Variants in ENTPD7 observed in about 807,000 individuals in gnomAD.
ENTPD7 encodes the protein NTPDase 7.
ENTPD7 carries 53 observed loss-of-function variants against 77.9 expected under a neutral mutation model. The ratio of observed to expected loss-of-function variants is 0.68; its 90% CI spans 0.55 to 0.85. ENTPD7 has a LOEUF of 0.85. ENTPD7 is among the 40% of genes least tolerant of loss of function. The probability of loss-of-function intolerance (pLI) is 0.00; values close to 1 mark genes in which losing one functional copy is unlikely to be tolerated. For missense variants in ENTPD7, 636 were observed against 743.7 expected (o/e 0.86, Z 1.68); for synonymous variants, 248 against 274.9 (o/e 0.90, Z 0.97).
In ENTPD7 at chr10:99,661,761, G is replaced by T. The variant is rs753746380; in HGVS notation, c.191+133G>T. On this transcript the variant is annotated intron_variant, in intron 3 of 12. Transcript: ENST00000370489. ...AATTGCATGCCATTTATTACATAAA[G>T]AAGATTTTAAGCCCTATTTTGGCAA... 3.3e-4 allele frequency: 275 copies of T among 835,794 alleles called. 1 individual carries two copies. Among genetic ancestry groups the T allele is most frequent in the Non-Finnish European group, 4.5e-4 (255 of 572,046 alleles). The allele number at this position is 835,794 out of a possible 1,614,324, so 51.8% of individuals were successfully genotyped here.
At chr10:99,699,546 G>A (rs937557259) in intron 10 of ENTPD7, among the ~76,000 whole-genome samples, 2 of 152,088 alleles carry the variant, frequency 1.3e-5, no homozygotes, top group African/African-American at 4.8e-5. Flanking sequence ...TCAGAGAAAC[G>A]AATGGGAGAA....
chr10:99,682,662 G>A (rs1000034836), intron 5 of ENTPD7, among the ~76,000 whole-genome samples: 1 of 152,118 alleles, frequency 6.6e-6, no homozygotes, highest in East Asian at 1.9e-4. Context: ...TCACATATAT[G>A]TAATTTCCAC....
At position 99,661,531 on chromosome 10, in the gene ENTPD7, C is replaced by A. The variant is rs147747082; in HGVS notation, c.94C>A (p.Leu32Met). 1.4e-4 allele frequency: 229 copies of A among 1,613,814 alleles called. No homozygotes were observed. In the African/African-American group the frequency reaches 2.9e-3, roughly 20 times the overall value. Residue 32 changes from leucine to methionine, a missense_variant, in exon 3 of 13, where the codon CTG becomes ATG. Coordinates refer to ENST00000370489, the MANE Select transcript of ENTPD7 (RefSeq NM_020354.5). ...ATTTCTCCGTCAGCGGGTGGCATTC[C>A]TGGGACTCTTCTTCATATCCTGTCT... ...SPFLRQRVAF[L>M]GLFFISCLLL...
At position 99,710,508 on chromosome 10, in the gene ENTPD7, CTG is replaced by C. The variant is rs1564641429; in HGVS notation, c.*5827_*5828del. 2 of 985,248 alleles carry C rather than the reference CTG, an allele frequency of 2.0e-6. No individual in the cohort carries two copies. The highest frequency in any genetic ancestry group is 3.5e-5 in the African/African-American group (2 of 57,220). The allele number at this position is 985,248 out of a possible 1,614,324, so 61.0% of individuals were successfully genotyped here. A position where few individuals can be genotyped will look rare whatever the true frequency, so the allele number is the denominator to read the frequency against. ...ATTGCTTTGGGGAGTTGTTAAGACTCTGTTTTTTCTACTGCTTCACATTAAAC... is the reference window on the plus strand; with the variant it reads ...ATTGCTTTGGGGAGTTGTTAAGACTCTTTTTTCTACTGCTTCACATTAAAC... On this transcript the variant is annotated 3_prime_UTR_variant, in exon 13 of 13. Coordinates refer to ENST00000370489, the MANE Select transcript of ENTPD7 (RefSeq NM_020354.5).
chr10:99,679,538 C>A, intron 4 of ENTPD7, 72 bp downstream of exon 4: 1 of 1,493,616 alleles, frequency 6.7e-7, no homozygotes, highest in Non-Finnish European at 9.0e-7. Flanking sequence ...AAGCAGAAAG[C>A]AAGCTACCCC....
At chr10:99,699,231 T>A (rs1029970178) in intron 10 of ENTPD7, among the ~76,000 whole-genome samples, 1 of 152,228 alleles carries the variant, frequency 6.6e-6, no homozygotes, top group Non-Finnish European at 1.5e-5. Context: ...TCTGTTGTAA[T>A]GTGCTTTTGG....
intron 5 of ENTPD7, among the ~76,000 whole-genome samples, chr10:99,684,991 C>T (rs2035794504): frequency 1.3e-5 from 2 of 152,180 alleles, no homozygotes; most frequent in Non-Finnish European, 2.9e-5. Context: ...GGCAAGGTGA[C>T]TCACACCTGT....
In ENTPD7 at chr10:99,710,051, CAT is replaced by C. The variant is rs2036333992; in HGVS notation, c.*5369_*5370del. On this transcript the variant is annotated 3_prime_UTR_variant, in exon 13 of 13. Coordinates refer to ENST00000370489, the MANE Select transcript of ENTPD7 (RefSeq NM_020354.5). ...CACAGGCTATGTATAGCCACACATG[CAT>C]GACTTCAGGCTAGCATAAAGACATG... 4 of 985,460 alleles carry C rather than the reference CAT, an allele frequency of 4.1e-6. No homozygotes were observed. The South Asian group carries it at 1.9e-4, about 46-fold the overall frequency. The allele number at this position is 985,460 out of a possible 1,614,324, so 61.0% of individuals were successfully genotyped here.
chr10:99,662,348 G>A (rs1236252758), intron 3 of ENTPD7, among the ~76,000 whole-genome samples: 1 of 151,392 alleles, frequency 6.6e-6, no homozygotes, highest in Non-Finnish European at 1.5e-5. Flanking sequence ...TTTTTTTAGT[G>A]GTTACTTTAA....
chr10:99,688,675 T>A lies in ENTPD7; in HGVS notation c.653-19T>A, dbSNP rs1445938323. On this transcript the variant is annotated intron_variant, in intron 6 of 12. Transcript: ENST00000370489. ...TAGCAGTAGAGAATTAAGTGAGGGCTTTTCTGTTTCTTACTTAGGGGTTTA... is the reference window on the plus strand; with the variant it reads ...TAGCAGTAGAGAATTAAGTGAGGGCATTTCTGTTTCTTACTTAGGGGTTTA... 3 of 1,613,602 alleles carry A rather than the reference T, an allele frequency of 1.9e-6. No individual in the cohort carries two copies. The African/African-American group carries it at 4.0e-5, about 22-fold the overall frequency.
chr10:99,676,977 TTTTA>T (rs1400169819), intron 3 of ENTPD7, among the ~76,000 whole-genome samples: 2 of 152,246 alleles, frequency 1.3e-5, no homozygotes, highest in African/African-American at 4.8e-5. Context: ...TACTCTACTT[TTTTA>T]TTTCAGAATT....
At chr10:99,693,894 G>T (rs1358365055) in intron 8 of ENTPD7, among the ~76,000 whole-genome samples, 2 of 151,534 alleles carry the variant, frequency 1.3e-5, no homozygotes, top group Admixed American at 6.6e-5. Flanking sequence ...TTCCAGCCTG[G>T]GTGACAGAGT....
At chr10:99,699,394 C>T (rs1202338859) in intron 10 of ENTPD7, among the ~76,000 whole-genome samples, 1 of 152,210 alleles carries the variant, frequency 6.6e-6, no homozygotes, top group African/African-American at 2.4e-5. Context: ...TAAAAATTCA[C>T]TCTGAGCATA....
chr10:99,678,194 C>T (rs1317274627), intron 3 of ENTPD7, among the ~76,000 whole-genome samples: 5 of 151,948 alleles, frequency 3.3e-5, no homozygotes, highest in African/African-American at 9.7e-5. Flanking sequence ...TTAGGCCAGG[C>T]GCGGTGGCTC....
intron 3 of ENTPD7, among the ~76,000 whole-genome samples, chr10:99,668,037 C>T (rs1000998278): frequency 1.4e-5 from 2 of 141,182 alleles, no homozygotes; most frequent in African/African-American, 2.6e-5. Context: ...CAGGTTCAAG[C>T]GATTCTCATG....
chr10:99,672,069 A>G (rs1173769452), intron 3 of ENTPD7, among the ~76,000 whole-genome samples: 1 of 152,148 alleles, frequency 6.6e-6, no homozygotes, highest in Non-Finnish European at 1.5e-5. Context: ...TTTATTATTT[A>G]TAGAGTGACT....
chr10:99,695,963 C>G lies in ENTPD7; in HGVS notation c.851C>G (p.Ala284Gly), dbSNP rs760237478. Residue 284 changes from alanine to glycine, a missense_variant, in exon 9 of 13, where the codon GCT (alanine) becomes GGT (glycine). This residue lies in a region of ENTPD7 where 486 missense variants were observed against 556.5 expected (regional missense o/e 0.87). Transcript: ENST00000370489. ...CTTGGTATTGTATTATAGGAAGAAG[C>G]TGCCAAGATCCTGCTGGCTGAGTTC... is the stretch of plus-strand genomic sequence containing the variant. ...TSVLPAKQEE[A>G]AKILLAEFNL... 2 of 1,612,462 alleles carry G rather than the reference C, an allele frequency of 1.2e-6. No homozygotes were observed. The highest frequency in any genetic ancestry group is 1.7e-5 in the Admixed American group (1 of 59,558).
At chr10:99,672,307 CTTT>C (rs35775014) in intron 3 of ENTPD7, among the ~76,000 whole-genome samples, 1 of 138,684 alleles carries the variant, frequency 7.2e-6, no homozygotes, top group African/African-American at 2.7e-5. Flanking sequence ...GTTACTTGAT[CTTT>C]TTTTTTTTTT....
chr10:99,702,282 A>G (rs965851780), intron 11 of ENTPD7, among the ~76,000 whole-genome samples: 4 of 152,044 alleles, frequency 2.6e-5, no homozygotes, highest in African/African-American at 9.7e-5. Context: ...GAAGATAGGG[A>G]CTCTTAAAAA....
Sources: gnomAD v4.1 joint callset for allele counts (sites outside exome capture counted in the v4.1 genomes callset) on GRCh38, gnomAD v4.1.1 for gene constraint, gnomAD v4.1.1 regional missense constraint, MANE v1.5 for transcripts, NCBI Gene and HGNC (gene_info 2026-07-23, HGNC 2026-07-21) for gene names.